The following CACNA1E variants were observed in gnomAD, a reference collection of about 807,000 sequenced individuals.
The protein encoded by CACNA1E is calcium voltage-gated channel subunit alpha1 E.
In CACNA1E, 40 loss-of-function variants were observed where a neutral mutation model predicts 259.2. The observed-to-expected ratio is 0.15, with a 90% CI of 0.12 to 0.20. CACNA1E has a LOEUF of 0.20. CACNA1E is among the 10% of genes least tolerant of loss of function. The pLI, the probability that CACNA1E is intolerant of heterozygous loss-of-function variation, is 1.00. For missense variants in CACNA1E, 1,874 were observed against 3,040.1 expected (o/e 0.62, Z 9.02); for synonymous variants, 1,104 against 1,138.5 (o/e 0.97, Z 0.61).
chr1:181,680,659 G>A (rs1267355293), intron 7 of CACNA1E, among the ~76,000 whole-genome samples: 2 of 152,186 alleles, frequency 1.3e-5, no homozygotes, highest in African/African-American at 4.8e-5. Flanking sequence ...GGTCCACGCA[G>A]CAGCACACTT....
intron 2 of CACNA1E, among the ~76,000 whole-genome samples, chr1:181,443,193 A>G (rs1660326794): frequency 6.6e-6 from 1 of 152,234 alleles, no homozygotes; most frequent in South Asian, 2.1e-4. Flanking sequence ...TCTACTTTAC[A>G]GAACTAATAT....
intron 35 of CACNA1E, among the ~76,000 whole-genome samples, chr1:181,768,440 G>A (rs1432306892): frequency 2.0e-5 from 3 of 152,212 alleles, no homozygotes; most frequent in Non-Finnish European, 4.4e-5. Flanking sequence ...GCTTAGCATA[G>A]TTAAGTAACT....
In CACNA1E at chr1:181,719,838, C is replaced by T; in HGVS notation, c.1726C>T (p.Leu576Phe). The change falls in exon 13 of 48, where the codon CTT becomes TTT. Residue 576 changes from leucine (L) to phenylalanine (F), a missense_variant. Around this residue, in one of 14 missense-constraint regions of CACNA1E, gnomAD observed 102 missense variants for 279.4 expected, o/e 0.37. Transcript: ENST00000367573. ...FGISVLRALR[L>F]LRIFKITKYW... is the part of the protein sequence containing the mutation. Reference sequence around the variant, plus strand: ...AATCAGTGTCTTGCGAGCCCTCCGGCTTCTAAGAATATTTAAAATAACCAA... The same window carrying T: ...AATCAGTGTCTTGCGAGCCCTCCGGTTTCTAAGAATATTTAAAATAACCAA... 6.3e-7 allele frequency: 1 copy of T among 1,583,098 alleles called. No homozygotes were observed. The highest frequency in any genetic ancestry group is 8.6e-7 in the Non-Finnish European group (1 of 1,161,970).
intron 1 of CACNA1E, 143 bp downstream of exon 1, chr1:181,484,153 AG>A (rs1663567519): frequency 2.5e-6 from 2 of 814,096 alleles, no homozygotes; most frequent in African/African-American, 3.4e-5. Context: ...GGTGCATCTA[AG>A]GGGCAAGCTT....
intron 43 of CACNA1E, among the ~76,000 whole-genome samples, chr1:181,787,433 G>C (rs1276513697): frequency 6.6e-6 from 1 of 152,078 alleles, no homozygotes; most frequent in Non-Finnish European, 1.5e-5. Context: ...AGAAATGGGG[G>C]ATACCACCCC....
At chr1:181,628,823 A>G (rs1558202365) in intron 6 of CACNA1E, among the ~76,000 whole-genome samples, 1 of 152,188 alleles carries the variant, frequency 6.6e-6, no homozygotes. Flanking sequence ...AGTGTTTAAC[A>G]TTCATTACTG....
rs377580656 is a variant in CACNA1E at position 181,733,542 on chromosome 1, C to T, written c.3054C>T (p.His1018=). 1.1e-5 allele frequency: 18 copies of T among 1,612,148 alleles called. No individual in the cohort carries two copies. The highest frequency in any genetic ancestry group is 2.7e-5 in the African/African-American group (2 of 74,870). ...ATCCTGAGCTGGAAGTGGGGAAGCACGTGGTGCTGACGGAGCAGGAGCCAG... is the reference window on the plus strand; with the variant it reads ...ATCCTGAGCTGGAAGTGGGGAAGCATGTGGTGCTGACGGAGCAGGAGCCAG... The part of the protein sequence containing the change: ...LPHPELEVGK[H]VVLTEQEPEG... Residue 1018 remains histidine (H), a synonymous_variant, in exon 21 of 48, where the codon CAC becomes CAT. Coordinates refer to ENST00000367573, the MANE Select transcript of CACNA1E (RefSeq NM_001205293.3).
chr1:181,707,386 G>T (rs2102407008), intron 7 of CACNA1E, among the ~76,000 whole-genome samples: 1 of 152,276 alleles, frequency 6.6e-6, no homozygotes, highest in East Asian at 1.9e-4. Context: ...AGGAAAGGGA[G>T]CCTACAATGG....
chr1:181,725,123 A>G (rs1251528995), intron 17 of CACNA1E, among the ~76,000 whole-genome samples: 2 of 152,244 alleles, frequency 1.3e-5, no homozygotes, highest in African/African-American at 4.8e-5. Flanking sequence ...TACAGAGATG[A>G]GTAAAAACCC....
In CACNA1E at chr1:181,798,871, C is replaced by G; in HGVS notation, c.*37C>G. 6.8e-7 allele frequency: 1 copy of G among 1,467,722 alleles called. No homozygotes were observed. Among genetic ancestry groups the G allele is most frequent in the Non-Finnish European group, 9.0e-7 (1 of 1,112,686 alleles). The allele number at this position is 1,467,722 out of a possible 1,614,324, so 90.9% of individuals were successfully genotyped here. On this transcript the variant is annotated 3_prime_UTR_variant, in exon 48 of 48. Coordinates refer to ENST00000367573, the MANE Select transcript of CACNA1E (RefSeq NM_001205293.3). The surrounding 1 kb of genome is among the most constrained non-coding windows in gnomAD (Gnocchi z 4.2). ...CCCTCCGATGCATGCTCTTCTCTCACATGGAGAAAACCAAGACAGAATTGG... is the reference window on the plus strand; with the variant it reads ...CCCTCCGATGCATGCTCTTCTCTCAGATGGAGAAAACCAAGACAGAATTGG...
At chr1:181,660,187 A>G (rs542922967) in intron 7 of CACNA1E, among the ~76,000 whole-genome samples, 14 of 152,344 alleles carry the variant, frequency 9.2e-5, no homozygotes, top group East Asian at 1.9e-4. Context: ...GTTGCATCTC[A>G]TGAATGCATA....
At chr1:181,330,058 T>G (rs1055421187) in intron 1 of CACNA1E, among the ~76,000 whole-genome samples, 1 of 152,206 alleles carries the variant, frequency 6.6e-6, no homozygotes, top group African/African-American at 2.4e-5. Context: ...AGCTAAGACG[T>G]AGCATTGTTT....
intron 27 of CACNA1E, 87 bp downstream of exon 27, chr1:181,752,326 T>C (rs1657668039): frequency 2.1e-6 from 2 of 957,262 alleles, no homozygotes; most frequent in African/African-American, 3.2e-5. Context: ...GGAGAATTTG[T>C]TCTGGGAATA....
At chr1:181,426,834 T>C (rs1222719801) in intron 2 of CACNA1E, among the ~76,000 whole-genome samples, 3 of 138,536 alleles carry the variant, frequency 2.2e-5, no homozygotes, top group Non-Finnish European at 4.6e-5. Flanking sequence ...CCTTCCCATC[T>C]AAACCCCTTC....
upstream of CACNA1E, among the ~76,000 whole-genome samples, chr1:181,482,304 C>G (rs753693486): frequency 2.0e-4 from 31 of 152,276 alleles, no homozygotes; most frequent in Non-Finnish European, 3.8e-4. Flanking sequence ...GAACAGGGCA[C>G]AGCACTGGGG....
chr1:181,642,378 C>T (rs199954), intron 6 of CACNA1E, among the ~76,000 whole-genome samples: 147,194 of 152,236 alleles, frequency 0.97, 71,355 homozygotes, highest in Non-Finnish European at 1. Flanking sequence ...ACCAGAAGGA[C>T]TGATTCCTGA....
chr1:181,705,122 C>T (rs193300583), intron 7 of CACNA1E, among the ~76,000 whole-genome samples: 120 of 152,320 alleles, frequency 7.9e-4, no homozygotes, highest in African/African-American at 2.7e-3. Context: ...AGAAATTAGC[C>T]ACTTTGTGAT....
chr1:181,412,707 G>A (rs1657945238), intron 1 of CACNA1E, among the ~76,000 whole-genome samples: 1 of 152,176 alleles, frequency 6.6e-6, no homozygotes. Flanking sequence ...AAAATGGGAG[G>A]GAACAGCCAG....
At chr1:181,365,372 A>G (rs1343500223) in intron 1 of CACNA1E, among the ~76,000 whole-genome samples, 3 of 152,200 alleles carry the variant, frequency 2.0e-5, no homozygotes, top group African/African-American at 7.2e-5. Context: ...GGGTCCTGCT[A>G]CGTTGCCCAG....
Sources: gnomAD v4.1 joint callset for allele counts (sites outside exome capture counted in the v4.1 genomes callset) on GRCh38, gnomAD v4.1.1 for gene constraint, gnomAD v4.1.1 regional missense constraint, Gnocchi (gnomAD v3.1) non-coding constraint, MANE v1.5 for transcripts, NCBI Gene and HGNC (gene_info 2026-07-23, HGNC 2026-07-21) for gene names.